DCC: variants seen among roughly 807,000 people sequenced by gnomAD.
The protein encoded by DCC is netrin receptor DCC.
A neutral mutation model predicts 172.5 loss-of-function variants in DCC; 58 were observed. That is an observed-to-expected ratio of 0.34 (90% CI 0.27 to 0.42). The LOEUF (loss-of-function observed/expected upper bound fraction) is 0.42, where lower values mean the gene tolerates loss of function less well. Among genes scored for constraint, DCC ranks in the 10% least tolerant of loss-of-function variants. The pLI is 1.00. For synonymous variants in DCC, 709 were observed against 644.5 expected, an observed-to-expected ratio of 1.10 and a Z score of -1.52; for missense variants, 1,740 against 1,791.0, an observed-to-expected ratio of 0.97 and a Z score of 0.51.
At chr18:53,251,322 CTTTTG>C (rs1382217646) in intron 12 of DCC, among the ~76,000 whole-genome samples, 1 of 151,924 alleles carries the variant, frequency 6.6e-6, no homozygotes, top group African/African-American at 2.4e-5. Flanking sequence ...CAATATCTGT[CTTTTG>C]TTTTGAACGT....
chr18:52,430,951 C>A (rs922356850), intron 1 of DCC, among the ~76,000 whole-genome samples: 6 of 152,100 alleles, frequency 3.9e-5, no homozygotes, highest in Non-Finnish European at 5.9e-5. Context: ...AATTTACAAA[C>A]TCTTTATTTT....
chr18:53,094,286 C>G (rs907908569), intron 7 of DCC, among the ~76,000 whole-genome samples: 6 of 152,138 alleles, frequency 3.9e-5, no homozygotes, highest in African/African-American at 1.4e-4. Flanking sequence ...AGTGTCCCAA[C>G]TGGGAAGAAG....
intron 15 of DCC, among the ~76,000 whole-genome samples, chr18:53,346,545 C>T (rs543917398): frequency 6.6e-5 from 10 of 152,080 alleles, no homozygotes; most frequent in African/African-American, 1.9e-4. Context: ...TGATAAATTC[C>T]TTCATTACCT....
At chr18:53,012,693 G>T (rs558856301) in intron 5 of DCC, among the ~76,000 whole-genome samples, 1 of 152,112 alleles carries the variant, frequency 6.6e-6, no homozygotes, top group South Asian at 2.1e-4. Flanking sequence ...ATAAATAAAA[G>T]AAATACAGTG....
chr18:53,249,184 A>G (rs1327086143), intron 12 of DCC, among the ~76,000 whole-genome samples: 1 of 152,018 alleles, frequency 6.6e-6, no homozygotes, highest in Non-Finnish European at 1.5e-5. Flanking sequence ...GAATTTACAC[A>G]GTTTGCAGAG....
intron 2 of DCC, among the ~76,000 whole-genome samples, chr18:52,824,465 C>T (rs543695098): frequency 6.6e-6 from 1 of 152,186 alleles, no homozygotes; most frequent in Non-Finnish European, 1.5e-5. Context: ...TTATGGCAAA[C>T]ATCTTGATGG....
intron 22 of DCC, among the ~76,000 whole-genome samples, chr18:53,442,413 T>G (rs1390611508): frequency 6.6e-6 from 1 of 152,192 alleles, no homozygotes; most frequent in Non-Finnish European, 1.5e-5. Context: ...TGTAATTGCT[T>G]TGGGGCACCA....
At chr18:53,335,157 A>G (rs981027659) in intron 14 of DCC, among the ~76,000 whole-genome samples, 6 of 152,098 alleles carry the variant, frequency 3.9e-5, no homozygotes, top group Non-Finnish European at 7.4e-5. Context: ...TCCCTGCAGT[A>G]CAGCATTTGC....
Position 53,402,814 on chromosome 18 carries a change from A to C in DCC, c.2856A>C (p.Thr952=). The change falls in exon 19 of 29, where the codon ACA becomes ACC. Residue 952 remains threonine, a synonymous_variant. Transcript: ENST00000442544. The part of the protein sequence containing the change: ...AAPTSAPKDL[T]VITREGKPRA... ...CCACCTCTGCTCCCAAGGACTTGAC[A>C]GTCATTACTAGGGAAGGGAAGCCTC... The C allele has an allele frequency of 6.2e-7, 1 of 1,614,090 alleles. No individual in the cohort carries two copies. Among genetic ancestry groups the C allele is most frequent in the African/African-American group, 1.3e-5 (1 of 75,036 alleles).
At chr18:53,511,569 G>T (rs1422099460) in intron 27 of DCC, among the ~76,000 whole-genome samples, 1 of 152,190 alleles carries the variant, frequency 6.6e-6, no homozygotes, top group Non-Finnish European at 1.5e-5. Flanking sequence ...TCACTAGGGA[G>T]TGCCAGACAG....
At position 53,410,589 on chromosome 18, in the gene DCC, C is replaced by G. The variant is rs1909920586; in HGVS notation, c.3073C>G (p.Arg1025Gly). Reference sequence around the variant, plus strand: ...TATGTATTACTTTCGAATTCAAGCACGAAATTCAAAAGGAGTGGGGCCACT... The same window carrying G: ...TATGTATTACTTTCGAATTCAAGCAGGAAATTCAAAAGGAGTGGGGCCACT... ...DTMYYFRIQA[R>G]NSKGVGPLSD... Residue 1025 changes from arginine (R) to glycine (G), a missense_variant, in exon 20 of 29, where the codon CGA becomes GGA. Physicochemically the swap from Arg to Gly is moderately radical, Grantham distance 125. Around this residue, in one of 2 missense-constraint regions of DCC, gnomAD observed 1,732 missense variants for 1,767.4 expected, o/e 0.98. Transcript: ENST00000442544. 3 of 1,611,024 alleles carry G rather than the reference C, an allele frequency of 1.9e-6. No homozygotes were observed. Among genetic ancestry groups the G allele is most frequent in the South Asian group, 1.1e-5 (1 of 91,038 alleles).
intron 20 of DCC, 80 bp downstream of exon 20, chr18:53,410,726 C>T (rs1470380751): frequency 2.3e-6 from 2 of 879,648 alleles, no homozygotes; most frequent in African/African-American, 1.6e-5. Context: ...TTAGAAATGG[C>T]CCTGCACCAT....
At chr18:52,632,721 G>T (rs1291800569) in intron 1 of DCC, among the ~76,000 whole-genome samples, 1 of 152,096 alleles carries the variant, frequency 6.6e-6, no homozygotes, top group Non-Finnish European at 1.5e-5. Context: ...GCTCCTATTT[G>T]TTCTTCTGCT....
chr18:53,123,666 C>T (rs912134165), intron 7 of DCC, among the ~76,000 whole-genome samples: 21 of 152,056 alleles, frequency 1.4e-4, no homozygotes, highest in African/African-American at 3.6e-4. Flanking sequence ...CCAATTAGGT[C>T]ATAGCTATTT....
intron 1 of DCC, among the ~76,000 whole-genome samples, chr18:52,624,877 A>T (rs1023941756): frequency 3.9e-4 from 59 of 152,310 alleles, no homozygotes; most frequent in African/African-American, 1.3e-3. Context: ...TGGCTTACGC[A>T]GATCGTAAGC....
intron 12 of DCC, among the ~76,000 whole-genome samples, chr18:53,302,538 T>C (rs532319204): frequency 6.6e-6 from 1 of 152,322 alleles, no homozygotes; most frequent in South Asian, 2.1e-4. Context: ...TCAACGCTGT[T>C]TGTTGTGTTT....
intron 11 of DCC, among the ~76,000 whole-genome samples, chr18:53,213,773 C>T (rs2055798810): frequency 6.7e-6 from 1 of 149,302 alleles, no homozygotes; most frequent in African/African-American, 2.5e-5. Flanking sequence ...TGATATAGAG[C>T]ATGTTATTTT....
In DCC at chr18:53,365,423, G is replaced by A. The variant is rs1192106944; in HGVS notation, c.2360-20620G>A. 2.8e-5 allele frequency among the ~76,000 whole-genome samples: 4 copies of A among 142,630 alleles called. 1 individual carries two copies. The South Asian group carries it at 6.6e-4, about 24-fold the overall frequency. 93.6% of individuals were successfully genotyped at this position (142,630 alleles called of 152,430 possible). On this transcript the variant is annotated intron_variant, in intron 15 of 28. Coordinates refer to ENST00000442544, the MANE Select transcript of DCC (RefSeq NM_005215.4). Reference sequence around the variant, plus strand: ...ATATATATATAAAAGAAAAGTAAAAGCATTTTATGATTTCATCCCACTGAA... The same window carrying A: ...ATATATATATAAAAGAAAAGTAAAAACATTTTATGATTTCATCCCACTGAA...
At chr18:52,453,571 T>C (rs747619111) in intron 1 of DCC, among the ~76,000 whole-genome samples, 1 of 152,214 alleles carries the variant, frequency 6.6e-6, no homozygotes, top group Non-Finnish European at 1.5e-5. Context: ...CCAAAGTAAT[T>C]GAATAAAATG....
Sources: allele counts gnomAD v4.1 joint callset (sites outside exome capture counted in the v4.1 genomes callset), GRCh38; gene constraint gnomAD v4.1.1; regional missense constraint gnomAD v4.1.1; transcripts MANE v1.5; gene names NCBI Gene and HGNC (gene_info 2026-07-23, HGNC 2026-07-21).